NCOA2: variants seen among roughly 807,000 people sequenced by gnomAD.
NCOA2 encodes the protein class E basic helix-loop-helix protein 75.
NCOA2 carries 21 observed loss-of-function variants against 145.1 expected under a neutral mutation model. The ratio of observed to expected loss-of-function variants is 0.14; its 90% CI spans 0.10 to 0.21. The LOEUF (loss-of-function observed/expected upper bound fraction) is 0.21, where lower values mean the gene tolerates loss of function less well. Among genes scored for constraint, NCOA2 ranks in the 10% least tolerant of loss-of-function variants. The pLI is 1.00. For missense variants in NCOA2, 1,472 were observed against 1,837.6 expected (o/e 0.80, Z 3.64); for synonymous variants, 619 against 637.5 (o/e 0.97, Z 0.44).
chr8:70,371,581 A>C (rs947739620), intron 1 of NCOA2, among the ~76,000 whole-genome samples: 1 of 152,216 alleles, frequency 6.6e-6, no homozygotes, highest in African/African-American at 2.4e-5. Flanking sequence ...AGTGATTTAT[A>C]GATATTCCTA....
rs531971992 is a variant in NCOA2 at position 70,178,657 on chromosome 8, C to T, written c.260-3798G>A. On this transcript the variant is annotated intron_variant, in intron 4 of 22. Transcript: ENST00000452400. ...AGGAGGGCAAAAGTATACAACCCAA[C>T]CAAATGAGCACAACATAGGGCTAAA... Among the ~76,000 whole-genome samples, 147 of 152,274 alleles carry T rather than the reference C, an allele frequency of 9.7e-4. 6 individuals carry two copies. In the South Asian group the frequency reaches 0.029, roughly 30 times the overall value.
chr8:70,309,215 A>G (rs184357442), intron 1 of NCOA2, among the ~76,000 whole-genome samples: 5 of 152,318 alleles, frequency 3.3e-5, no homozygotes. Context: ...CTAAGACTCC[A>G]GATACAGAAG....
intron 2 of NCOA2, among the ~76,000 whole-genome samples, chr8:70,235,949 C>T (rs1422606058): frequency 1.3e-5 from 2 of 152,146 alleles, no homozygotes; most frequent in East Asian, 1.9e-4. Context: ...GTTATCCCTA[C>T]GGGTTTCCCA....
At chr8:70,173,765 G>GC (rs941017937) in intron 5 of NCOA2, among the ~76,000 whole-genome samples, 6 of 151,842 alleles carry the variant, frequency 4.0e-5, no homozygotes, top group South Asian at 2.1e-4. Context: ...TTTATTGTGT[G>GC]CCCCCCCTCC....
At chr8:70,407,018 A>G (rs1814792951), upstream of NCOA2, among the ~76,000 whole-genome samples, 1 of 152,208 alleles carries the variant, frequency 6.6e-6, no homozygotes, top group African/African-American at 2.4e-5. Context: ...GTGTAAATAA[A>G]TGTACTTTGT....
rs540204741 is a variant in NCOA2 at position 70,371,526 on chromosome 8, A to G, written c.-77+32174T>C. 8.3e-4 allele frequency among the ~76,000 whole-genome samples: 127 copies of G among 152,294 alleles called. 1 individual carries two copies. Among genetic ancestry groups the G allele is most frequent in the African/African-American group, 3.0e-3 (123 of 41,574 alleles). On this transcript the variant is annotated intron_variant, in intron 1 of 22. Transcript: ENST00000452400. ...ATATATATAGCCTGATTTTATGGAA[A>G]AAAAGGACAAGCAATTTCACTTACA... is the stretch of plus-strand genomic sequence containing the variant.
chr8:70,344,921 C>T (rs977706663), intron 1 of NCOA2, among the ~76,000 whole-genome samples: 1 of 152,174 alleles, frequency 6.6e-6, no homozygotes, highest in Non-Finnish European at 1.5e-5. Flanking sequence ...TGTTAACATA[C>T]TCTCTTCAAG....
At chr8:70,326,566 G>T (rs1806606007) in intron 1 of NCOA2, among the ~76,000 whole-genome samples, 1 of 151,914 alleles carries the variant, frequency 6.6e-6, no homozygotes, top group Non-Finnish European at 1.5e-5. Flanking sequence ...AACAAGGGGG[G>T]TTCACATGAG....
intron 1 of NCOA2, among the ~76,000 whole-genome samples, chr8:70,366,817 AG>A (rs1463498919): frequency 6.6e-6 from 1 of 151,876 alleles, no homozygotes; most frequent in East Asian, 1.9e-4. Context: ...TTCTGATTTT[AG>A]GCAAAGATGG....
chr8:70,284,494 T>C (rs1025521071), intron 2 of NCOA2, among the ~76,000 whole-genome samples: 3 of 152,228 alleles, frequency 2.0e-5, no homozygotes, highest in African/African-American at 7.2e-5. Flanking sequence ...GCTCTCATGA[T>C]ACTCATTTGT....
chr8:70,455,867 A>G, the NCOA2 span, among the ~76,000 whole-genome samples: 3 of 152,190 alleles, frequency 2.0e-5, no homozygotes, highest in Non-Finnish European at 2.9e-5. Context: ...CTAAAATTCT[A>G]TTTGAGATTC....
upstream of NCOA2, among the ~76,000 whole-genome samples, chr8:70,408,290 C>T (rs995315114): frequency 3.2e-4 from 48 of 152,098 alleles, no homozygotes; most frequent in African/African-American, 1.1e-3. Flanking sequence ...TCAAAAGAAT[C>T]CATGAACTAC....
intron 1 of NCOA2, among the ~76,000 whole-genome samples, chr8:70,379,761 G>C (rs1387647356): frequency 6.6e-6 from 1 of 151,972 alleles, no homozygotes; most frequent in South Asian, 2.1e-4. Context: ...ATATATATTA[G>C]TAGCAAAAAC....
intron 2 of NCOA2, among the ~76,000 whole-genome samples, chr8:70,284,676 G>A (rs1039109837): frequency 6.6e-6 from 1 of 152,126 alleles, no homozygotes; most frequent in Non-Finnish European, 1.5e-5. Context: ...GAGGGAGAAC[G>A]TGTGTGTGTT....
At chr8:70,141,112 A>C in intron 14 of NCOA2, 72 bp downstream of exon 14, 4 of 1,439,002 alleles carry the variant, frequency 2.8e-6, no homozygotes, top group East Asian at 2.4e-5. Flanking sequence ...GCATGTCTTG[A>C]AAGAACTTAT....
intron 2 of NCOA2, among the ~76,000 whole-genome samples, chr8:70,231,348 A>G (rs1014108648): frequency 1.3e-5 from 2 of 152,250 alleles, no homozygotes; most frequent in African/African-American, 4.8e-5. Context: ...CTGATGAAAG[A>G]ATGCCGAGTC....
At chr8:70,166,035 G>A (rs949492417) in intron 7 of NCOA2, among the ~76,000 whole-genome samples, 6 of 152,072 alleles carry the variant, frequency 3.9e-5, no homozygotes, top group Non-Finnish European at 7.4e-5. Flanking sequence ...TGTTGGCCAG[G>A]ATGGTCTCGA....
At chr8:70,292,714 C>T (rs1044382496) in intron 2 of NCOA2, among the ~76,000 whole-genome samples, 2 of 152,090 alleles carry the variant, frequency 1.3e-5, no homozygotes, top group Admixed American at 1.3e-4. Context: ...CTAGGGATGG[C>T]CTAAGGGTAA....
At chr8:70,414,366 G>C in the NCOA2 span, among the ~76,000 whole-genome samples, 1 of 151,906 alleles carries the variant, frequency 6.6e-6, no homozygotes. Context: ...TTTAATAGTG[G>C]TTTCATTGAC....
Sources: allele counts gnomAD v4.1 joint callset (sites outside exome capture counted in the v4.1 genomes callset), GRCh38; gene constraint gnomAD v4.1.1; transcripts MANE v1.5; gene names NCBI Gene and HGNC (gene_info 2026-07-23, HGNC 2026-07-21).